The following LDLRAD3 variants were observed in gnomAD, a reference collection of about 807,000 sequenced individuals.
LDLRAD3 encodes the protein low density lipoprotein receptor class A domain containing 3.
In LDLRAD3, 20 loss-of-function variants were observed where a neutral mutation model predicts 29.4. That is an observed-to-expected ratio of 0.68 (90% confidence interval 0.48 to 0.99). LDLRAD3 has a LOEUF of 0.99. Ranked by LOEUF, LDLRAD3 falls within the 50% of genes least tolerant of loss-of-function variation. The pLI is 0.00. For synonymous variants in LDLRAD3, 157 were observed against 192.7 expected (o/e 0.81, Z 1.53); for missense variants, 420 against 454.3 (o/e 0.92, Z 0.69).
chr11:36,192,313 A>G (rs981842606), intron 4 of LDLRAD3, among the ~76,000 whole-genome samples: 8 of 152,238 alleles, frequency 5.3e-5, no homozygotes, highest in African/African-American at 1.9e-4. Flanking sequence ...CTGGGCATGC[A>G]GAAGACCACT....
chr11:35,974,878 A>G (rs1440440913), intron 1 of LDLRAD3, among the ~76,000 whole-genome samples: 4 of 152,238 alleles, frequency 2.6e-5, no homozygotes. Context: ...TGGGGCCTTA[A>G]GAGTCCACCT....
chr11:36,217,903 A>C (rs1043294172), intron 4 of LDLRAD3, among the ~76,000 whole-genome samples: 3 of 152,128 alleles, frequency 2.0e-5, no homozygotes, highest in African/African-American at 7.2e-5. Flanking sequence ...ATTGGATCTA[A>C]AGCTCTCTCT....
intron 4 of LDLRAD3, among the ~76,000 whole-genome samples, chr11:36,151,962 C>T (rs1854284430): frequency 6.6e-6 from 1 of 152,152 alleles, no homozygotes; most frequent in African/African-American, 2.4e-5. Flanking sequence ...GAGAAAATTA[C>T]CCCAAAGTGT....
chr11:36,127,653 A>T (rs187378802), intron 4 of LDLRAD3, among the ~76,000 whole-genome samples: 1 of 152,288 alleles, frequency 6.6e-6, no homozygotes, highest in Non-Finnish European at 1.5e-5. Context: ...ATGTTAGTTA[A>T]CCTGAGTAGA....
At chr11:36,096,092 T>G (rs931280311) in intron 3 of LDLRAD3, among the ~76,000 whole-genome samples, 1 of 152,218 alleles carries the variant, frequency 6.6e-6, no homozygotes, top group African/African-American at 2.4e-5. Flanking sequence ...CAGACCACTT[T>G]TGTTTGAGTT....
chr11:36,204,062 C>T (rs1197922586), intron 4 of LDLRAD3, among the ~76,000 whole-genome samples: 1 of 151,834 alleles, frequency 6.6e-6, no homozygotes, highest in East Asian at 1.9e-4. Flanking sequence ...CTGCCATTAG[C>T]TGACCCGGGG....
At chr11:36,211,188 T>C (rs940396800) in intron 4 of LDLRAD3, among the ~76,000 whole-genome samples, 1 of 152,148 alleles carries the variant, frequency 6.6e-6, no homozygotes, top group Non-Finnish European at 1.5e-5. Flanking sequence ...AAAGCAGCCA[T>C]AGATGATACA....
intron 4 of LDLRAD3, among the ~76,000 whole-genome samples, chr11:36,202,734 C>T (rs998747459): frequency 2.6e-5 from 4 of 152,126 alleles, no homozygotes; most frequent in Non-Finnish European, 4.4e-5. Flanking sequence ...ATGCATCTCC[C>T]TTGTTTTTCC....
intron 1 of LDLRAD3, among the ~76,000 whole-genome samples, chr11:35,948,174 A>G (rs977297247): frequency 1.3e-5 from 2 of 152,064 alleles, no homozygotes; most frequent in African/African-American, 4.8e-5. Flanking sequence ...CCCTCTTAAA[A>G]TGTGTTTATT....
rs1368529263 is a variant in LDLRAD3, at chr11:36,012,683, ATTTCATCACAC to A, written c.47-23419_47-23409del. Among the ~76,000 whole-genome samples, 10 of 152,340 alleles carry A rather than the reference ATTTCATCACAC, an allele frequency of 6.6e-5. No homozygotes were observed. The East Asian group carries it at 1.7e-3, about 26-fold the overall frequency. ...GCAGGACAGAGCAGGACGACACGAG[ATTTCATCACAC>A]CGCTCAGAATTGGACCACAATTCAG... On this transcript the variant is annotated intron_variant, in intron 1 of 5. Coordinates refer to ENST00000315571, the MANE Select transcript of LDLRAD3 (RefSeq NM_174902.4).
intron 4 of LDLRAD3, among the ~76,000 whole-genome samples, chr11:36,206,822 G>A (rs1048549997): frequency 1.3e-4 from 19 of 151,102 alleles, no homozygotes; most frequent in African/African-American, 4.2e-4. Context: ...TGCCTCCTGG[G>A]TTCAAGCAAT....
At chr11:35,966,371 G>A (rs1273064157) in intron 1 of LDLRAD3, among the ~76,000 whole-genome samples, 2 of 152,220 alleles carry the variant, frequency 1.3e-5, no homozygotes, top group Non-Finnish European at 2.9e-5. Context: ...GTTGCAGTGA[G>A]CTGAGATCGC....
chr11:36,227,479 G>A, intron 5 of LDLRAD3, 49 bp downstream of exon 5: 1 of 1,382,842 alleles, frequency 7.2e-7, no homozygotes, highest in Non-Finnish European at 9.8e-7. Flanking sequence ...ATCCATTGCG[G>A]GGAGGGGAAT....
At chr11:36,160,410 C>T (rs1418015000) in intron 4 of LDLRAD3, among the ~76,000 whole-genome samples, 2 of 152,142 alleles carry the variant, frequency 1.3e-5, no homozygotes, top group Non-Finnish European at 2.9e-5. Flanking sequence ...GCACCAAATC[C>T]TCCTTGAAAT....
chr11:36,036,311 G>T (rs931632920), intron 2 of LDLRAD3, 62 bp downstream of exon 2: 62 of 1,600,008 alleles, frequency 3.9e-5, no homozygotes, highest in Non-Finnish European at 6.0e-6. Context: ...AGGGGAGCAG[G>T]TCCTGAGCAG....
intron 4 of LDLRAD3, among the ~76,000 whole-genome samples, chr11:36,191,576 C>CTATATATATATATATATA (rs71310173): frequency 1.9e-5 from 1 of 53,440 alleles, no homozygotes; most frequent in African/African-American, 8.3e-5. Context: ...CTCTCTCTCT[C>CTATATATATATATATATA]TATATATATA....
intron 1 of LDLRAD3, among the ~76,000 whole-genome samples, chr11:35,951,704 G>A (rs1851137560): frequency 6.6e-6 from 1 of 152,192 alleles, no homozygotes; most frequent in South Asian, 2.1e-4. Flanking sequence ...ATACACAAAT[G>A]TGTTTAATTT....
chr11:36,007,550 G>A (rs1851900391), intron 1 of LDLRAD3, among the ~76,000 whole-genome samples: 2 of 152,196 alleles, frequency 1.3e-5, no homozygotes, highest in South Asian at 4.1e-4. Flanking sequence ...CAGTCCTGAG[G>A]CTTGCCTGAG....
At chr11:36,150,133 A>C (rs4755438) in intron 4 of LDLRAD3, among the ~76,000 whole-genome samples, 150,581 of 152,288 alleles carry the variant, frequency 0.99, 74,473 homozygotes, top group East Asian at 1. Flanking sequence ...AGGGAAGAAC[A>C]ATGTTGCCTC....
Sources: allele counts gnomAD v4.1 joint callset (sites outside exome capture counted in the v4.1 genomes callset), GRCh38; gene constraint gnomAD v4.1.1; transcripts MANE v1.5; gene names NCBI Gene and HGNC (gene_info 2026-07-23, HGNC 2026-07-21).